MYH10: variants seen among roughly 807,000 people sequenced by gnomAD.
MYH10 encodes myosin heavy chain 10.
A neutral mutation model predicts 257.8 loss-of-function variants in MYH10; 55 were observed. The observed-to-expected ratio is 0.21, with a 90% CI of 0.17 to 0.27. MYH10 has a LOEUF of 0.27. MYH10 is among the 10% of genes least tolerant of loss of function. The probability of loss-of-function intolerance (pLI) is 1.00; values close to 1 mark genes in which losing one functional copy is unlikely to be tolerated. For missense variants in MYH10, 1,631 were observed against 2,500.6 expected, an observed-to-expected ratio of 0.65 and a Z score of 7.42; for synonymous variants, 854 against 921.7, an observed-to-expected ratio of 0.93 and a Z score of 1.33.
At chr17:8,544,342 A>G (rs2082381471) in intron 13 of MYH10, among the ~76,000 whole-genome samples, 1 of 151,640 alleles carries the variant, frequency 6.6e-6, no homozygotes, top group Non-Finnish European at 1.5e-5. Flanking sequence ...AATCTTGCCC[A>G]TTTCTTTTAA....
chr17:8,541,997 A>G, intron 14 of MYH10, 110 bp downstream of exon 14: 1 of 1,124,844 alleles, frequency 8.9e-7, no homozygotes, highest in Non-Finnish European at 1.2e-6. Context: ...TTTAGATCAG[A>G]AAATTATTTC....
At chr17:8,584,143 G>C (rs576212322) in intron 4 of MYH10, among the ~76,000 whole-genome samples, 1 of 152,290 alleles carries the variant, frequency 6.6e-6, no homozygotes, top group African/African-American at 2.4e-5. Flanking sequence ...AGAATACTAG[G>C]ATACTCAGAT....
intron 7 of MYH10, among the ~76,000 whole-genome samples, chr17:8,557,379 G>A (rs1022410682): frequency 2.0e-5 from 3 of 152,038 alleles, no homozygotes; most frequent in African/African-American, 7.2e-5. Context: ...GAAGAGCCCT[G>A]GGAATACACT....
intron 27 of MYH10, 151 bp from the exon 28 acceptor site, chr17:8,505,057 C>A: frequency 1.5e-6 from 1 of 673,444 alleles, no homozygotes; most frequent in Non-Finnish European, 2.6e-6. Context: ...ATGCTCAGCA[C>A]CTGCTAGGGC....
At chr17:8,486,142 A>AGAT (rs1236854846) in intron 36 of MYH10, among the ~76,000 whole-genome samples, 1 of 152,222 alleles carries the variant, frequency 6.6e-6, no homozygotes, top group African/African-American at 2.4e-5. Flanking sequence ...AGAGACTGAA[A>AGAT]GATTAGTAGT....
chr17:8,602,035 T>A (rs2084627497), intron 3 of MYH10, among the ~76,000 whole-genome samples: 1 of 150,612 alleles, frequency 6.6e-6, no homozygotes, highest in African/African-American at 2.4e-5. Context: ...GACCACAGTG[T>A]CACGATCTCG....
intron 21 of MYH10, among the ~76,000 whole-genome samples, chr17:8,518,068 A>C (rs2081529455): frequency 1.7e-5 from 2 of 114,380 alleles, no homozygotes; most frequent in Non-Finnish European, 1.8e-5. Context: ...TTCTCTGAGG[A>C]CTTGAGCTGA....
chr17:8,512,049 A>G (rs1424723248), intron 24 of MYH10, among the ~76,000 whole-genome samples: 4 of 152,192 alleles, frequency 2.6e-5, no homozygotes, highest in African/African-American at 4.8e-5. Context: ...GCCACCTCCT[A>G]TGTCAGTGCT....
chr17:8,541,577 C>T (rs988047592), intron 14 of MYH10, among the ~76,000 whole-genome samples: 3 of 151,678 alleles, frequency 2.0e-5, no homozygotes, highest in African/African-American at 4.8e-5. Flanking sequence ...CATTAAACCA[C>T]CAAGAAAAGA....
rs1243412506 is a variant in MYH10, at chr17:8,492,937, C to G, written c.4297G>C (p.Glu1433Gln). Reference sequence around the variant, plus strand: ...TCCTCCAGGCGCTGGCTCAGGGCCTCCGCGTCCTTCAGAAGCTTCTTCTTG... The same window carrying G: ...TCCTCCAGGCGCTGGCTCAGGGCCTGCGCGTCCTTCAGAAGCTTCTTCTTG... ...EAKKKLLKDA[E>Q]ALSQRLEEKA... The change falls in exon 33 of 43, where the codon GAG (glutamate) becomes CAG (glutamine). Residue 1433 changes from glutamate to glutamine, a missense_variant. Transcript: ENST00000360416. 6.2e-7 allele frequency: 1 copy of G among 1,614,162 alleles called. No homozygotes were observed. The highest frequency in any genetic ancestry group is 8.5e-7 in the Non-Finnish European group (1 of 1,180,030).
chr17:8,506,370 G>A lies in MYH10; in HGVS notation c.3334C>T (p.Leu1112Phe). The stretch of plus-strand genomic sequence containing the variant: ...TCCTTCTTGGCCAGCTGCAGCTTGA[G>A]CTCATCAATCTGCGCCTGCAGCTCT... ...IAELQAQIDE[L>F]KLQLAKKEEE... Residue 1112 changes from leucine (L) to phenylalanine (F), a missense_variant, in exon 27 of 43, where the codon CTC becomes TTC. Leu to Phe is a conservative substitution (Grantham distance 22). This residue lies in a region of MYH10 where 169 missense variants were observed against 249.8 expected (regional missense o/e 0.68). Transcript: ENST00000360416. The surrounding 1 kb of genome is among the most constrained non-coding windows in gnomAD (Gnocchi z 5.0). 1.9e-6 allele frequency: 3 copies of A among 1,610,798 alleles called. No individual in the cohort carries two copies. Among genetic ancestry groups the A allele is most frequent in the Non-Finnish European group, 2.5e-6 (3 of 1,179,052 alleles).
At position 8,508,573 on chromosome 17, in the gene MYH10, C is replaced by T. The variant is rs900287249; in HGVS notation, c.3195G>A (p.Val1065=). 7 of 1,614,036 alleles carry T rather than the reference C, an allele frequency of 4.3e-6. No individual in the cohort carries two copies. Among genetic ancestry groups the T allele is most frequent in the Middle Eastern group, 1.6e-4 (1 of 6,084 alleles). Residue 1065 remains valine, a synonymous_variant, in exon 26 of 43, where the codon GTG becomes GTA. Transcript: ENST00000360416. ...NLAKIRNKQE[V]MISDLEERLK... ...ACTAACCTTCTAAATCTGAGATCAT[C>T]ACTTCTTGCTTATTCCTGATTTTGG...
intron 2 of MYH10, among the ~76,000 whole-genome samples, chr17:8,608,917 T>G (rs1418180348): frequency 1.3e-5 from 2 of 152,146 alleles, no homozygotes. Context: ...CTGACGCCAT[T>G]CTCCTGCATC....
At chr17:8,502,634 AGAAGAC>A (rs1464846086) in intron 28 of MYH10, among the ~76,000 whole-genome samples, 1 of 152,156 alleles carries the variant, frequency 6.6e-6, no homozygotes, top group Non-Finnish European at 1.5e-5. Flanking sequence ...GTGAGTCTGC[AGAAGAC>A]TCACTGTTAC....
At chr17:8,591,737 C>A (rs997620670) in intron 3 of MYH10, among the ~76,000 whole-genome samples, 1 of 152,198 alleles carries the variant, frequency 6.6e-6, no homozygotes, top group Non-Finnish European at 1.5e-5. Context: ...CTACAGCCTG[C>A]TGCATACTTC....
intron 4 of MYH10, among the ~76,000 whole-genome samples, chr17:8,581,700 G>A (rs974174397): frequency 6.6e-6 from 1 of 151,986 alleles, no homozygotes; most frequent in Non-Finnish European, 1.5e-5. Context: ...TAATACATAG[G>A]GTTGTTGAAG....
In MYH10 at chr17:8,579,754, C is replaced by G. The variant is rs139791227; in HGVS notation, c.531-2416G>C. On this transcript the variant is annotated intron_variant, in intron 4 of 42. Coordinates refer to ENST00000360416, the MANE Select transcript of MYH10 (RefSeq NM_001256012.3). ...TTCTGGCAACCAAGATTACATCAAT[C>G]TGTACTCTCATTTTTATATCATCTG... is the stretch of plus-strand genomic sequence containing the variant. 3.6e-3 allele frequency among the ~76,000 whole-genome samples: 552 copies of G among 152,282 alleles called. 6 individuals are homozygous for G. The highest frequency in any genetic ancestry group is 0.012 in the African/African-American group (485 of 41,552).
intron 3 of MYH10, among the ~76,000 whole-genome samples, chr17:8,589,352 G>A (rs1308597038): frequency 1.3e-5 from 2 of 152,012 alleles, no homozygotes; most frequent in African/African-American, 2.4e-5. Context: ...TCCACACATC[G>A]TTTGCCTGGA....
At position 8,504,800 on chromosome 17, in the gene MYH10, G is replaced by A; in HGVS notation, c.3493C>T (p.Arg1165Trp). 1 of 1,614,140 alleles carries A rather than the reference G, an allele frequency of 6.2e-7. No homozygotes were observed. The highest frequency in any genetic ancestry group is 8.5e-7 in the Non-Finnish European group (1 of 1,180,010). The change falls in exon 28 of 43, where the codon CGG (arginine) becomes TGG (tryptophan). Residue 1165 changes from arginine (R) to tryptophan (W), a missense_variant. By Grantham distance (101) the Arg-to-Trp change is moderately radical. This residue lies in a region of MYH10 where 169 missense variants were observed against 249.8 expected (regional missense o/e 0.68). Coordinates refer to ENST00000360416, the MANE Select transcript of MYH10 (RefSeq NM_001256012.3). This position sits in a 1 kb window ranked among gnomAD's most constrained non-coding sequence, Gnocchi z 5.6. ...QEDFESEKASRNKAEKQKRDL... is the reference protein window; with the variant it reads ...QEDFESEKASWNKAEKQKRDL... The stretch of plus-strand genomic sequence containing the variant: ...CTTTTCTGCTTTTCGGCCTTGTTCC[G>A]TGAAGCCTTCTCGGATTCAAAGTCT...
Sources: gnomAD v4.1 joint callset for allele counts (sites outside exome capture counted in the v4.1 genomes callset) on GRCh38, gnomAD v4.1.1 for gene constraint, gnomAD v4.1.1 regional missense constraint, Gnocchi (gnomAD v3.1) non-coding constraint, MANE v1.5 for transcripts, NCBI Gene and HGNC (gene_info 2026-07-23, HGNC 2026-07-21) for gene names.